TNRC6C: variants seen among roughly 807,000 people sequenced by gnomAD.
The protein encoded by TNRC6C is trinucleotide repeat-containing gene 6C protein.
TNRC6C carries 20 observed loss-of-function variants against 153.7 expected under a neutral mutation model. The observed-to-expected ratio is 0.13, with a 90% confidence interval of 0.09 to 0.19. The LOEUF (loss-of-function observed/expected upper bound fraction) is 0.19, where lower values mean the gene tolerates loss of function less well. TNRC6C is among the 10% of genes least tolerant of loss of function. TNRC6C has a pLI of 1.00. For synonymous variants in TNRC6C, 811 were observed against 841.4 expected, an observed-to-expected ratio of 0.96 and a Z score of 0.63; for missense variants, 1,987 against 2,172.0, an observed-to-expected ratio of 0.91 and a Z score of 1.69.
rs749305013 is a variant in TNRC6C, at chr17:78,049,153, CCTT to C, written c.94_96del (p.Ser32del). The C allele has an allele frequency of 1.9e-6, 3 of 1,611,324 alleles. No individual in the cohort carries two copies. In the South Asian group the frequency reaches 3.3e-5, roughly 18 times the overall value. ...CACCAATGGCGCACTCGTCCAAAGC[CCTT>C]CTAATCAGAGTGCCCTTGGAGCAGG... is the stretch of plus-strand genomic sequence containing the variant. On this transcript the variant is annotated inframe_deletion, in exon 3 of 20. Coordinates refer to ENST00000301624, the Ensembl canonical transcript of TNRC6C. This position sits in a 1 kb window ranked among gnomAD's most constrained non-coding sequence, Gnocchi z 4.1.
rs1454896744 is a variant in TNRC6C, at chr17:78,053,876, C to T, written c.2395+2419C>T. Among the ~76,000 whole-genome samples, 5 of 152,038 alleles carry T rather than the reference C, an allele frequency of 3.3e-5. No homozygotes were observed. In the East Asian group the frequency reaches 7.7e-4, roughly 23 times the overall value. On this transcript the variant is annotated intron_variant, in intron 3 of 19. Coordinates refer to ENST00000301624, the Ensembl canonical transcript of TNRC6C. ...ACGAGACCCCATTTCTTTAAACAAA[C>T]AAACAAAAAAGCTCCAGGAACAGAA... is the stretch of plus-strand genomic sequence containing the variant.
chr17:78,101,766 C>T lies in TNRC6C; in HGVS notation c.4502-708C>T, dbSNP rs138185629. ...GCATATCCTTAAGGCACAGATCGCT[C>T]GTGCTACTGTTTGTGGTTTAAGAAC... On this transcript the variant is annotated intron_variant, in intron 17 of 19. Coordinates refer to ENST00000301624, the Ensembl canonical transcript of TNRC6C. Among the ~76,000 whole-genome samples, 110 of 152,278 alleles carry T rather than the reference C, an allele frequency of 7.2e-4. 2 individuals carry two copies. The East Asian group carries it at 0.013, about 17-fold the overall frequency.
chr17:78,061,261 A>G (rs1236120023), intron 3 of TNRC6C, among the ~76,000 whole-genome samples: 1 of 152,230 alleles, frequency 6.6e-6, no homozygotes, highest in East Asian at 1.9e-4. Flanking sequence ...TTCTAACTTT[A>G]AAAGAATCCC....
At chr17:78,056,179 G>A (rs914019185) in intron 3 of TNRC6C, among the ~76,000 whole-genome samples, 7 of 150,402 alleles carry the variant, frequency 4.7e-5, no homozygotes, top group Non-Finnish European at 7.4e-5. Flanking sequence ...TTTTCTTGAG[G>A]CAGAGTCTTA....
At chr17:78,096,187 C>A (rs1472126942) in intron 16 of TNRC6C, among the ~76,000 whole-genome samples, 1 of 152,172 alleles carries the variant, frequency 6.6e-6, no homozygotes, top group Admixed American at 6.5e-5. Context: ...CTCACACGTT[C>A]CCACTTACAA....
chr17:78,104,107 C>T lies in TNRC6C; in HGVS notation c.4713-378C>T, dbSNP rs536914966. On this transcript the variant is annotated intron_variant, in intron 19 of 19. Coordinates refer to ENST00000301624, the Ensembl canonical transcript of TNRC6C. This position sits in a 1 kb window ranked among gnomAD's most constrained non-coding sequence, Gnocchi z 6.2. ...CCCAGCAGTGGTCCTCACAGCCAACCCTTCACCCTAGTGAAAGGTTGCTTT... is the reference window on the plus strand; with the variant it reads ...CCCAGCAGTGGTCCTCACAGCCAACTCTTCACCCTAGTGAAAGGTTGCTTT... Among the ~76,000 whole-genome samples the T allele has an allele frequency of 6.6e-6, 1 of 152,280 alleles. No individual in the cohort carries two copies. The highest frequency in any genetic ancestry group is 6.5e-5 in the Admixed American group (1 of 15,296).
chr17:77,989,147 T>C (rs1453214339), intron 1 of TNRC6C, among the ~76,000 whole-genome samples: 1 of 152,222 alleles, frequency 6.6e-6, no homozygotes. Context: ...GACCAGCCCC[T>C]TGGCAGACCT....
chr17:78,031,605 A>G, exon 2 of TNRC6C: 1 of 1,232,422 alleles, frequency 8.1e-7, no homozygotes, highest in Non-Finnish European at 1.0e-6. Context: ...AAGCAGCAAC[A>G]ATGGCAAACG....
At chr17:77,998,569 C>T (rs984156031) in intron 1 of TNRC6C, among the ~76,000 whole-genome samples, 3 of 152,194 alleles carry the variant, frequency 2.0e-5, no homozygotes, top group African/African-American at 4.8e-5. Context: ...GTTAAGTTCA[C>T]GTACTCTTTC....
chr17:78,063,841 C>G (rs2072817834), intron 3 of TNRC6C, among the ~76,000 whole-genome samples: 1 of 152,122 alleles, frequency 6.6e-6, no homozygotes, highest in South Asian at 2.1e-4. Context: ...TATATATTTG[C>G]AACTCACAAA....
At chr17:78,065,315 C>T (rs1472858025) in intron 4 of TNRC6C, among the ~76,000 whole-genome samples, 3 of 151,344 alleles carry the variant, frequency 2.0e-5, no homozygotes, top group African/African-American at 4.9e-5. Context: ...CTGTACCACT[C>T]ATGAGCCTGA....
intron 19 of TNRC6C, among the ~76,000 whole-genome samples, chr17:78,103,798 CT>C (rs1038484141): frequency 3.9e-5 from 6 of 152,198 alleles, no homozygotes; most frequent in Non-Finnish European, 7.3e-5. Context: ...ATATGGTCGT[CT>C]CTTTGTGCAT....
chr17:78,107,309 T>C (rs1369200518), exon 20 of TNRC6C: 2 of 152,348 alleles, frequency 1.3e-5, no homozygotes, highest in Admixed American at 6.5e-5. Context: ...GAACTTAATA[T>C]GTCTGTAACT....
intron 3 of TNRC6C, among the ~76,000 whole-genome samples, chr17:78,062,211 G>A (rs976652830): frequency 3.3e-5 from 5 of 152,108 alleles, no homozygotes; most frequent in Non-Finnish European, 7.3e-5. Flanking sequence ...AATTGCTGGC[G>A]ATAACTGGTT....
intron 1 of TNRC6C, among the ~76,000 whole-genome samples, chr17:78,011,616 GAGCTATTGAGTAA>G (rs1399799701): frequency 1.3e-5 from 2 of 152,062 alleles, no homozygotes; most frequent in Non-Finnish European, 2.9e-5. Context: ...TTCCAGTTTT[GAGCTATTGAGTAA>G]AGCTTCTTTT....
chr17:78,040,413 CAG>C lies in TNRC6C; in HGVS notation c.-218-8429_-218-8428del, dbSNP rs1302732347. Among the ~76,000 whole-genome samples, 5 of 152,304 alleles carry C rather than the reference CAG, an allele frequency of 3.3e-5. No individual in the cohort carries two copies. In the East Asian group the frequency reaches 7.7e-4, roughly 23 times the overall value. On this transcript the variant is annotated intron_variant, in intron 2 of 19. Coordinates refer to ENST00000301624, the Ensembl canonical transcript of TNRC6C. ...GGTGGCTGCTTTGTACATTTATAAA[CAG>C]AGGCTTTGATTAATATACGGCAGTG...
chr17:78,057,498 G>T (rs993786607), intron 3 of TNRC6C, among the ~76,000 whole-genome samples: 1 of 152,224 alleles, frequency 6.6e-6, no homozygotes, highest in African/African-American at 2.4e-5. Flanking sequence ...CCTCTCTGGG[G>T]ACTGTGCCAT....
At chr17:78,094,499 C>T (rs2073449278) in intron 16 of TNRC6C, among the ~76,000 whole-genome samples, 1 of 149,360 alleles carries the variant, frequency 6.7e-6, no homozygotes, top group African/African-American at 2.5e-5. Flanking sequence ...AGTATAGTGG[C>T]GTGATCTTGG....
chr17:78,102,550 A>T lies in TNRC6C; in HGVS notation c.4572+6A>T. 6.3e-7 allele frequency: 1 copy of T among 1,596,880 alleles called. No individual in the cohort carries two copies. The highest frequency in any genetic ancestry group is 1.1e-5 in the South Asian group (1 of 87,898). On this transcript the variant is annotated splice_donor_region_variant and intron_variant, in intron 18 of 19. Coordinates refer to ENST00000301624, the Ensembl canonical transcript of TNRC6C. ...TTCGAAACCTCACTCCCCAGGTGCA[A>T]TATGGTGCCCCTGCATCACTGAGCA...
Sources: gnomAD v4.1 joint callset for allele counts (sites outside exome capture counted in the v4.1 genomes callset) on GRCh38, gnomAD v4.1.1 for gene constraint, Gnocchi (gnomAD v3.1) non-coding constraint, MANE v1.5 for transcripts, NCBI Gene and HGNC (gene_info 2026-07-23, HGNC 2026-07-21) for gene names.